ASTN1: variants seen among roughly 807,000 people sequenced by gnomAD.
The protein encoded by ASTN1 is astrotactin 1, also known as astrotactin-1.
Under a neutral mutation model 140.7 loss-of-function variants are expected in ASTN1, and 41 were observed. The ratio of observed to expected loss-of-function variants is 0.29; its 90% confidence interval spans 0.23 to 0.38. The LOEUF (loss-of-function observed/expected upper bound fraction) is 0.38. ASTN1 is among the 10% of genes least tolerant of loss of function. The pLI is 1.00. For missense variants in ASTN1, 1,479 were observed against 1,678.8 expected (o/e 0.88, Z 2.08); for synonymous variants, 640 against 652.2 (o/e 0.98, Z 0.29).
intron 13 of ASTN1, 67 bp from the exon 14 acceptor site, chr1:176,944,085 T>A (rs975055974): frequency 6.3e-7 from 1 of 1,582,420 alleles, no homozygotes; most frequent in Non-Finnish European, 8.6e-7. Flanking sequence ...GAGCATTTTT[T>A]TTTTTTTTTG....
chr1:177,030,668 T>G, intron 4 of ASTN1, 138 bp downstream of exon 4: 1 of 1,210,006 alleles, frequency 8.3e-7, no homozygotes, highest in Non-Finnish European at 1.1e-6. Context: ...AAGTAGCATT[T>G]AACTGGCCTC....
chr1:177,044,799 A>T (rs1325502185), intron 2 of ASTN1, among the ~76,000 whole-genome samples: 1 of 152,242 alleles, frequency 6.6e-6, no homozygotes, highest in Non-Finnish European at 1.5e-5. Flanking sequence ...CCATGGGGTC[A>T]TTCCCAGCCA....
intron 2 of ASTN1, among the ~76,000 whole-genome samples, chr1:177,041,805 C>T (rs1676987948): frequency 1.3e-5 from 2 of 152,190 alleles, no homozygotes; most frequent in Non-Finnish European, 2.9e-5. Context: ...ATCCCTCTTT[C>T]TCCCATTTCC....
At chr1:177,070,145 T>C (rs1176338706) in intron 1 of ASTN1, among the ~76,000 whole-genome samples, 1 of 152,238 alleles carries the variant, frequency 6.6e-6, no homozygotes, top group Non-Finnish European at 1.5e-5. Context: ...ACTGGAATTC[T>C]GATTTGAGCT....
intron 16 of ASTN1, among the ~76,000 whole-genome samples, chr1:176,903,907 G>C (rs1463904231): frequency 2.0e-5 from 3 of 152,154 alleles, no homozygotes; most frequent in Admixed American, 2.0e-4. Flanking sequence ...GCTCCCAGCT[G>C]TCCTTGGCAC....
intron 16 of ASTN1, 83 bp from the exon 17 acceptor site, chr1:176,894,913 G>T: frequency 1.9e-6 from 3 of 1,558,192 alleles, no homozygotes; most frequent in South Asian, 2.3e-5. Flanking sequence ...GAGTGCTGGG[G>T]TCCAATCTTT....
In ASTN1 at chr1:176,864,435, C is replaced by A. The variant is rs148482637; in HGVS notation, c.3734G>T (p.Arg1245Leu). ...LLQEPKISLRRSSLKYLGCRY... is the reference protein window; with the variant it reads ...LLQEPKISLRLSSLKYLGCRY... ...GCACCCCAGGTACTTGAGTGAGCTG[C>A]GCCGCAAGCTTATCTTGGGTTCCTG... Residue 1245 changes from arginine (R) to leucine (L), a missense_variant, in exon 23 of 23, where the codon CGC (arginine) becomes CTC (leucine). By Grantham distance (102) the Arg-to-Leu change is moderately radical. This residue lies in a region of ASTN1 where 746 missense variants were observed against 800.9 expected (regional missense o/e 0.93). Transcript: ENST00000361833. 2 of 1,614,116 alleles carry A rather than the reference C, an allele frequency of 1.2e-6. No homozygotes were observed. Among genetic ancestry groups the A allele is most frequent in the East Asian group, 2.2e-5 (1 of 44,864 alleles).
intron 1 of ASTN1, among the ~76,000 whole-genome samples, chr1:177,156,484 GACAA>G (rs1425796495): frequency 1.3e-5 from 2 of 151,854 alleles, no homozygotes; most frequent in Non-Finnish European, 2.9e-5. Flanking sequence ...CCAATGCTGA[GACAA>G]ACAATTTGAG....
At chr1:176,909,166 T>C (rs1057147902) in intron 16 of ASTN1, among the ~76,000 whole-genome samples, 1 of 152,184 alleles carries the variant, frequency 6.6e-6, no homozygotes. Context: ...GAGCAGACTA[T>C]GGGCCCACAT....
intron 16 of ASTN1, among the ~76,000 whole-genome samples, chr1:176,925,943 C>T (rs1160447765): frequency 6.6e-6 from 1 of 151,870 alleles, no homozygotes; most frequent in Non-Finnish European, 1.5e-5. Context: ...GTAGCTGGGA[C>T]TACAGGTGCC....
intron 1 of ASTN1, among the ~76,000 whole-genome samples, chr1:177,116,355 T>A (rs1681091690): frequency 6.6e-6 from 1 of 152,204 alleles, no homozygotes; most frequent in Admixed American, 6.5e-5. Flanking sequence ...ATTTTATGTG[T>A]AGATGACAAC....
Position 176,861,200 on chromosome 1 carries a change from AAAGT to A in ASTN1, c.*3080_*3083del, listed in dbSNP as rs1193161788. On this transcript the variant is annotated 3_prime_UTR_variant, in exon 23 of 23. Coordinates refer to ENST00000361833, the MANE Select transcript of ASTN1 (RefSeq NM_004319.3). ...TATTCTTTCTTCCTTCTGCAGTAGT[AAAGT>A]GTTTTTCTTCATACTCAGTTTTTTT... 1 of 970,590 alleles carries A rather than the reference AAAGT, an allele frequency of 1.0e-6. No homozygotes were observed. Among genetic ancestry groups the A allele is most frequent in the East Asian group, 1.1e-4 (1 of 8,728 alleles). 60.1% of individuals were successfully genotyped at this position (970,590 alleles called of 1,614,324 possible).
Position 177,036,036 on chromosome 1 carries a change from C to CTTTTTT in ASTN1, c.472-3193_472-3188dup, listed in dbSNP as rs869200407. 2.4e-4 allele frequency among the ~76,000 whole-genome samples: 19 copies of CTTTTTT among 78,790 alleles called. 1 individual carries two copies. Among genetic ancestry groups the CTTTTTT allele is most frequent in the African/African-American group, 8.8e-4 (16 of 18,112 alleles). 51.7% of individuals were successfully genotyped at this position (78,790 alleles called of 152,430 possible). A position where few individuals can be genotyped will look rare whatever the true frequency, so the allele number is the denominator to read the frequency against. On this transcript the variant is annotated intron_variant, in intron 2 of 22. Transcript: ENST00000361833. ...CTCTGGATGGGATGACCTCAGCTTT[C>CTTTTTT]TTTTTTTTTTTTTTTTTTTTTTTTT...
chr1:176,863,149 G>C lies in ASTN1; in HGVS notation c.*1135C>G, dbSNP rs1668021354. Reference sequence around the variant, plus strand: ...TGGTGCTTCCCTACACAGAATCCCTGTGACTGGATGGGCAGTGACCATGGT... The same window carrying C: ...TGGTGCTTCCCTACACAGAATCCCTCTGACTGGATGGGCAGTGACCATGGT... On this transcript the variant is annotated 3_prime_UTR_variant, in exon 23 of 23. Coordinates refer to ENST00000361833, the MANE Select transcript of ASTN1 (RefSeq NM_004319.3). 1.0e-6 allele frequency: 1 copy of C among 985,808 alleles called. No individual in the cohort carries two copies. Among genetic ancestry groups the C allele is most frequent in the African/African-American group, 1.7e-5 (1 of 57,260 alleles). 61.1% of individuals were successfully genotyped at this position (985,808 alleles called of 1,614,324 possible). A position where few individuals can be genotyped will look rare whatever the true frequency, so the allele number is the denominator to read the frequency against.
At chr1:177,004,481 T>C (rs1674897390) in intron 8 of ASTN1, among the ~76,000 whole-genome samples, 2 of 152,216 alleles carry the variant, frequency 1.3e-5, no homozygotes, top group South Asian at 4.1e-4. Context: ...CTAAAATTCA[T>C]ATGGAACAAC....
At chr1:176,916,344 T>C (rs1470424406) in intron 16 of ASTN1, among the ~76,000 whole-genome samples, 1 of 152,208 alleles carries the variant, frequency 6.6e-6, no homozygotes, top group African/African-American at 2.4e-5. Flanking sequence ...AGGTGAGTGC[T>C]GCCTTTGGCA....
At chr1:176,871,946 G>A (rs969869225) in intron 21 of ASTN1, among the ~76,000 whole-genome samples, 4 of 152,106 alleles carry the variant, frequency 2.6e-5, no homozygotes, top group Admixed American at 2.0e-4. Flanking sequence ...TGTCTACACA[G>A]CCTCATCATA....
chr1:177,075,285 G>T (rs1278191271), intron 1 of ASTN1, among the ~76,000 whole-genome samples: 1 of 152,016 alleles, frequency 6.6e-6, no homozygotes, highest in Non-Finnish European at 1.5e-5. Flanking sequence ...TGTTGGTCAG[G>T]CTGGTCTCAA....
At chr1:177,005,924 A>T (rs1558026036) in intron 8 of ASTN1, among the ~76,000 whole-genome samples, 2 of 152,298 alleles carry the variant, frequency 1.3e-5, no homozygotes, top group East Asian at 3.9e-4. Flanking sequence ...ACAGCAATTA[A>T]TTAGCATTAT....
Sources: allele counts gnomAD v4.1 joint callset (sites outside exome capture counted in the v4.1 genomes callset), GRCh38; gene constraint gnomAD v4.1.1; regional missense constraint gnomAD v4.1.1; transcripts MANE v1.5; gene names NCBI Gene and HGNC (gene_info 2026-07-23, HGNC 2026-07-21).